SULF1: variants seen among roughly 807,000 people sequenced by gnomAD.
The protein encoded by SULF1 is sulfatase 1.
SULF1 carries 46 observed loss-of-function variants against 110.5 expected under a neutral mutation model. The ratio of observed to expected loss-of-function variants is 0.42; its 90% CI spans 0.33 to 0.53. The LOEUF (loss-of-function observed/expected upper bound fraction) is 0.53, where lower values mean the gene tolerates loss of function less well. Among genes scored for constraint, SULF1 ranks in the 20% least tolerant of loss-of-function variants. SULF1 has a pLI of 0.12. For synonymous variants in SULF1, 371 were observed against 387.1 expected (o/e 0.96, Z 0.49); for missense variants, 941 against 1,094.2 (o/e 0.86, Z 1.98).
chr8:69,556,171 T>C (rs547353017), intron 3 of SULF1, among the ~76,000 whole-genome samples: 1 of 152,250 alleles, frequency 6.6e-6, no homozygotes, highest in African/African-American at 2.4e-5. Context: ...GGTATGTGCA[T>C]GTAGAGAAAG....
At chr8:69,511,119 C>G (rs186366132) in intron 3 of SULF1, among the ~76,000 whole-genome samples, 169 of 152,288 alleles carry the variant, frequency 1.1e-3, no homozygotes, top group Admixed American at 3.0e-3. Flanking sequence ...ATACCTTAAT[C>G]TTACATGTTT....
chr8:69,648,343 T>A (rs1300671759), intron 22 of SULF1, among the ~76,000 whole-genome samples: 1 of 152,186 alleles, frequency 6.6e-6, no homozygotes, highest in African/African-American at 2.4e-5. Context: ...CATATAATGC[T>A]TTATGATTTT....
chr8:69,631,352 ACCT>A (rs1810529452), intron 19 of SULF1, among the ~76,000 whole-genome samples: 1 of 151,790 alleles, frequency 6.6e-6, no homozygotes, highest in South Asian at 2.1e-4. Flanking sequence ...CCACTGCCAG[ACCT>A]CCTCTGTGGC....
intron 6 of SULF1, among the ~76,000 whole-genome samples, chr8:69,579,146 G>A (rs749755610): frequency 7.6e-6 from 1 of 132,138 alleles, no homozygotes; most frequent in Non-Finnish European, 1.5e-5. Context: ...GGGAGACAAA[G>A]CGAGACTCTG....
At chr8:69,530,791 G>C (rs1230967441) in intron 3 of SULF1, among the ~76,000 whole-genome samples, 3 of 152,194 alleles carry the variant, frequency 2.0e-5, no homozygotes, top group Non-Finnish European at 4.4e-5. Context: ...CTATAACTAA[G>C]TAACCACTTT....
At chr8:69,553,339 C>T (rs148547188) in intron 3 of SULF1, among the ~76,000 whole-genome samples, 1 of 152,190 alleles carries the variant, frequency 6.6e-6, no homozygotes, top group Non-Finnish European at 1.5e-5. Context: ...CAAATCCAAG[C>T]CTTTGTGTTT....
intron 2 of SULF1, among the ~76,000 whole-genome samples, chr8:69,499,113 C>T (rs1267242417): frequency 2.6e-5 from 4 of 152,154 alleles, no homozygotes; most frequent in Non-Finnish European, 4.4e-5. Flanking sequence ...CCCGCCTCGG[C>T]CTCCCAAACT....
chr8:69,580,361 C>T (rs994517590), intron 6 of SULF1, among the ~76,000 whole-genome samples: 4 of 152,042 alleles, frequency 2.6e-5, no homozygotes, highest in African/African-American at 7.2e-5. Flanking sequence ...TAATATAAAA[C>T]CTGGCTTAGG....
chr8:69,504,813 GT>G (rs1165488038), intron 3 of SULF1, among the ~76,000 whole-genome samples: 1 of 152,014 alleles, frequency 6.6e-6, no homozygotes, highest in East Asian at 1.9e-4. Context: ...CACTACCTCT[GT>G]ATTTATATAT....
chr8:69,530,143 C>T (rs535435070), intron 3 of SULF1, among the ~76,000 whole-genome samples: 2 of 152,270 alleles, frequency 1.3e-5, no homozygotes, highest in African/African-American at 4.8e-5. Flanking sequence ...GGAGAGCTAG[C>T]GCTTGAGGAG....
rs533601681 is a variant in SULF1, at chr8:69,522,923, A to T, written c.-134+20955A>T. On this transcript the variant is annotated intron_variant, in intron 3 of 22. Transcript: ENST00000402687. Reference sequence around the variant, plus strand: ...AAAGATAAAATGGAAGAAGAAAAAAACAAGAAATATGACAACTCTTTCAGG... The same window carrying T: ...AAAGATAAAATGGAAGAAGAAAAAATCAAGAAATATGACAACTCTTTCAGG... 1.2e-3 allele frequency among the ~76,000 whole-genome samples: 182 copies of T among 152,366 alleles called. 1 individual carries two copies. Among genetic ancestry groups the T allele is most frequent in the African/African-American group, 4.3e-3 (177 of 41,590 alleles).
At chr8:69,525,697 T>A (rs916396576) in intron 3 of SULF1, among the ~76,000 whole-genome samples, 2 of 152,176 alleles carry the variant, frequency 1.3e-5, no homozygotes, top group Admixed American at 1.3e-4. Flanking sequence ...CAATAATTAA[T>A]TCAACAAATT....
intron 13 of SULF1, among the ~76,000 whole-genome samples, chr8:69,617,829 G>C (rs1419904807): frequency 6.6e-6 from 1 of 152,158 alleles, no homozygotes; most frequent in Non-Finnish European, 1.5e-5. Flanking sequence ...TAGGTGCACT[G>C]ATAGTATTCA....
intron 13 of SULF1, among the ~76,000 whole-genome samples, chr8:69,619,014 G>A (rs1809393027): frequency 6.6e-6 from 1 of 152,098 alleles, no homozygotes; most frequent in African/African-American, 2.4e-5. Context: ...GGTATAAGAG[G>A]GAGGTATGAG....
Position 69,586,390 on chromosome 8 carries a change from G to T in SULF1, c.446G>T (p.Gly149Val). ...GGAAAATACCTCAATGAATATAATGGCAGCTACATCCCCCCTGGGTGGCGA... is the reference window on the plus strand; with the variant it reads ...GGAAAATACCTCAATGAATATAATGTCAGCTACATCCCCCCTGGGTGGCGA... ...FFGKYLNEYN[G>V]SYIPPGWREW... Residue 149 changes from glycine to valine, a missense_variant, in exon 7 of 23, where the codon GGC becomes GTC. Coordinates refer to ENST00000402687, the MANE Select transcript of SULF1 (RefSeq NM_001128205.2). The T allele has an allele frequency of 6.2e-7, 1 of 1,600,806 alleles. No homozygotes were observed. The highest frequency in any genetic ancestry group is 8.5e-7 in the Non-Finnish European group (1 of 1,175,330).
intron 3 of SULF1, among the ~76,000 whole-genome samples, chr8:69,503,973 T>A (rs1217413679): frequency 1.3e-5 from 2 of 152,000 alleles, no homozygotes; most frequent in Non-Finnish European, 1.5e-5. Flanking sequence ...TTAATTTTTG[T>A]ATTTTTAGTA....
chr8:69,522,894 A>T (rs1812405063), intron 3 of SULF1, among the ~76,000 whole-genome samples: 1 of 152,210 alleles, frequency 6.6e-6, no homozygotes, highest in South Asian at 2.1e-4. Context: ...CTGATTATTT[A>T]GGCAAAGATA....
At chr8:69,608,428 C>T (rs186287968) in intron 13 of SULF1, among the ~76,000 whole-genome samples, 6 of 152,256 alleles carry the variant, frequency 3.9e-5, no homozygotes, top group Non-Finnish European at 5.9e-5. Flanking sequence ...GCCTATAATC[C>T]CAACACTTTG....
At chr8:69,619,926 T>A (rs1809475936) in intron 13 of SULF1, among the ~76,000 whole-genome samples, 1 of 152,154 alleles carries the variant, frequency 6.6e-6, no homozygotes. Context: ...GTTAACCAGT[T>A]CAATGGACCC....
Sources: gnomAD v4.1 joint callset for allele counts (sites outside exome capture counted in the v4.1 genomes callset) on GRCh38, gnomAD v4.1.1 for gene constraint, MANE v1.5 for transcripts, NCBI Gene and HGNC (gene_info 2026-07-23, HGNC 2026-07-21) for gene names.